NHSL3: variants seen among roughly 807,000 people sequenced by gnomAD.
NHSL3 encodes the protein NHS-like protein 3.
At chr1:32,768,077 A>G in the NHSL3 span, 1 of 1,614,076 alleles carries the variant, frequency 6.2e-7, no homozygotes. Flanking sequence ...CAGAAACTGA[A>G]CAAGGGTGGC....
chr1:32,750,197 G>C, the NHSL3 span, among the ~76,000 whole-genome samples: 1 of 152,186 alleles, frequency 6.6e-6, no homozygotes, highest in Non-Finnish European at 1.5e-5. Context: ...TTGGTTAGGA[G>C]GAGTGAAATC....
the NHSL3 span, chr1:32,772,540 T>C: frequency 1.4e-6 from 2 of 1,458,376 alleles, no homozygotes; most frequent in South Asian, 1.5e-5. Flanking sequence ...TCTTTAACTT[T>C]TCTGGTCTGA....
At chr1:32,767,922 A>G in the NHSL3 span, 31 of 1,613,996 alleles carry the variant, frequency 1.9e-5, no homozygotes, top group African/African-American at 3.6e-4. Context: ...CTGCACACTC[A>G]GGCCCAGGAG....
the NHSL3 span, chr1:32,767,726 CT>C: frequency 6.8e-7 from 1 of 1,472,590 alleles, no homozygotes; most frequent in Non-Finnish European, 9.2e-7. Flanking sequence ...GCCGTGAGAC[CT>C]GTGCCCCTGC....
chr1:32,762,011 T>C, the NHSL3 span, among the ~76,000 whole-genome samples: 1 of 152,230 alleles, frequency 6.6e-6, no homozygotes, highest in Non-Finnish European at 1.5e-5. Context: ...ATTTACACCA[T>C]GGAGGCCAGA....
chr1:32,745,426 C>T, the NHSL3 span, among the ~76,000 whole-genome samples: 3 of 151,796 alleles, frequency 2.0e-5, no homozygotes, highest in South Asian at 2.1e-4. Context: ...GGCGTGGTGG[C>T]GCGTGCCTGT....
the NHSL3 span, among the ~76,000 whole-genome samples, chr1:32,746,180 G>A: frequency 4.2e-5 from 6 of 143,330 alleles, no homozygotes; most frequent in African/African-American, 5.2e-5. Context: ...GCAATGAGCC[G>A]AGATCGCGTC....
the NHSL3 span, among the ~76,000 whole-genome samples, chr1:32,759,098 T>A: frequency 6.6e-6 from 1 of 152,188 alleles, no homozygotes; most frequent in Non-Finnish European, 1.5e-5. Flanking sequence ...TGGGCTCACA[T>A]CCTGCCTCTG....
At chr1:32,751,886 C>T in the NHSL3 span, among the ~76,000 whole-genome samples, 3 of 152,134 alleles carry the variant, frequency 2.0e-5, no homozygotes, top group Admixed American at 6.5e-5. Flanking sequence ...TCCAACGCTT[C>T]TTGTGAAGGC....
chr1:32,770,641 A>G, the NHSL3 span: 2 of 1,519,908 alleles, frequency 1.3e-6, no homozygotes, highest in Admixed American at 2.2e-5. This position sits in a 1 kb window ranked among gnomAD's most constrained non-coding sequence, Gnocchi z 8.3. Context: ...GTCTGGCCGG[A>G]GTGTGTCCCT....
At chr1:32,771,557 CT>C in the NHSL3 span, 1 of 1,609,492 alleles carries the variant, frequency 6.2e-7, no homozygotes, top group Non-Finnish European at 8.5e-7. Context: ...CCAGAGGAGG[CT>C]TTTTTCTCTG....
chr1:32,756,657 CAAAAAAAAAAAAA>C, the NHSL3 span, among the ~76,000 whole-genome samples: 1 of 49,958 alleles, frequency 2.0e-5, no homozygotes, highest in Admixed American at 2.9e-4. Context: ...ACCCTGTCTC[CAAAAAAAAAAAAA>C]AAAAAAAAAA....
chr1:32,751,642 G>A, the NHSL3 span, among the ~76,000 whole-genome samples: 1 of 152,154 alleles, frequency 6.6e-6, no homozygotes, highest in Non-Finnish European at 1.5e-5. Flanking sequence ...ACTGAGCTGG[G>A]GGAAGAGGGG....
the NHSL3 span, among the ~76,000 whole-genome samples, chr1:32,755,991 A>G: frequency 2.6e-5 from 4 of 152,204 alleles, no homozygotes; most frequent in Admixed American, 6.5e-5. Flanking sequence ...GAGAGAAGAT[A>G]AGAAGGCTGT....
the NHSL3 span, among the ~76,000 whole-genome samples, chr1:32,761,612 C>G: frequency 6.6e-6 from 1 of 152,176 alleles, no homozygotes; most frequent in Non-Finnish European, 1.5e-5. Flanking sequence ...ACTTAGCTCT[C>G]TGAGCCTCGC....
chr1:32,760,589 T>TG, the NHSL3 span, among the ~76,000 whole-genome samples: 457 of 76,016 alleles, frequency 6.0e-3, no homozygotes, highest in Non-Finnish European at 0.011. Context: ...TGTGTGTGTG[T>TG]TTTTTTTTTT....
the NHSL3 span, among the ~76,000 whole-genome samples, chr1:32,752,533 C>G: frequency 6.6e-6 from 1 of 152,168 alleles, no homozygotes; most frequent in African/African-American, 2.4e-5. Flanking sequence ...AGCACAAGGA[C>G]ACCTGTGATG....
chr1:32,765,785 G>A, the NHSL3 span: 2 of 1,547,808 alleles, frequency 1.3e-6, no homozygotes, highest in Non-Finnish European at 1.7e-6. Context: ...GGTGTTCGTT[G>A]GCCGCCGCCT....
chr1:32,769,663 T>TG, the NHSL3 span: 1 of 1,606,318 alleles, frequency 6.2e-7, no homozygotes, highest in Non-Finnish European at 8.5e-7. Flanking sequence ...CTCCCACGAC[T>TG]GGCCCCCAGG....
Sources: gnomAD v4.1 joint callset for allele counts (sites outside exome capture counted in the v4.1 genomes callset) on GRCh38, gnomAD v4.1.1 for gene constraint, Gnocchi (gnomAD v3.1) non-coding constraint, MANE v1.5 for transcripts, NCBI Gene and HGNC (gene_info 2026-07-23, HGNC 2026-07-21) for gene names.